Variants in NCAM2 observed in about 807,000 individuals in gnomAD.
NCAM2 encodes neural cell adhesion molecule 2.
In NCAM2, 30 loss-of-function variants were observed where a neutral mutation model predicts 98.1. That is an observed-to-expected ratio of 0.31 (90% CI 0.23 to 0.41). NCAM2 has a LOEUF of 0.41. Among genes scored for constraint, NCAM2 ranks in the 10% least tolerant of loss-of-function variants. The pLI is 1.00. For synonymous variants in NCAM2, 368 were observed against 342.4 expected (o/e 1.07, Z -0.83); for missense variants, 867 against 1,005.8 (o/e 0.86, Z 1.87).
chr21:21,479,608 A>AAAAAAATT (rs1491473437), intron 15 of NCAM2, among the ~76,000 whole-genome samples: 3 of 127,916 alleles, frequency 2.3e-5, no homozygotes, highest in Admixed American at 7.8e-5. Flanking sequence ...AAAAAAAAAA[A>AAAAAAATT]TTGTTGATGA....
At chr21:21,053,526 C>T (rs538644331) in intron 1 of NCAM2, among the ~76,000 whole-genome samples, 84 of 151,638 alleles carry the variant, frequency 5.5e-4, no homozygotes, top group Non-Finnish European at 9.7e-4. Flanking sequence ...ACTTTGTAGA[C>T]TATGTGTTAT....
At chr21:21,009,173 T>C (rs2064162042) in intron 1 of NCAM2, among the ~76,000 whole-genome samples, 2 of 152,152 alleles carry the variant, frequency 1.3e-5, no homozygotes, top group African/African-American at 2.4e-5. Context: ...TATTTAAATA[T>C]TACCCGGCAG....
At chr21:21,209,909 T>C (rs753431660) in intron 1 of NCAM2, among the ~76,000 whole-genome samples, 5 of 152,148 alleles carry the variant, frequency 3.3e-5, no homozygotes, top group Admixed American at 1.3e-4. Flanking sequence ...GGTAAGATAT[T>C]GCGACTAAAA....
intron 10 of NCAM2, among the ~76,000 whole-genome samples, chr21:21,418,121 A>G (rs2077031752): frequency 6.6e-6 from 1 of 152,022 alleles, no homozygotes; most frequent in African/African-American, 2.4e-5. Flanking sequence ...ATACATAAAT[A>G]TATACACATA....
chr21:21,138,706 T>C (rs2067110108), intron 1 of NCAM2, among the ~76,000 whole-genome samples: 1 of 152,196 alleles, frequency 6.6e-6, no homozygotes. Context: ...AAATAATTAG[T>C]GTATTTTGAT....
chr21:21,337,307 A>T (rs1029016018), intron 7 of NCAM2, among the ~76,000 whole-genome samples: 6 of 145,982 alleles, frequency 4.1e-5, no homozygotes, highest in Non-Finnish European at 9.3e-5. Context: ...TGAAAATTTT[A>T]CATGTTATGT....
At chr21:21,176,792 A>C (rs965719965) in intron 1 of NCAM2, among the ~76,000 whole-genome samples, 2 of 151,994 alleles carry the variant, frequency 1.3e-5, no homozygotes, top group African/African-American at 2.4e-5. Context: ...AGTTTTGTTT[A>C]AATCAGCATT....
intron 15 of NCAM2, among the ~76,000 whole-genome samples, chr21:21,501,280 C>T (rs1477390569): frequency 6.6e-6 from 1 of 151,900 alleles, no homozygotes; most frequent in East Asian, 1.9e-4. Flanking sequence ...TAAATTAGTG[C>T]AATGCATTTT....
chr21:21,179,999 G>A (rs1448997233), intron 1 of NCAM2, among the ~76,000 whole-genome samples: 1 of 152,110 alleles, frequency 6.6e-6, no homozygotes, highest in Non-Finnish European at 1.5e-5. Flanking sequence ...GTCCCAAATG[G>A]CCTCCCTGAA....
chr21:21,343,360 C>T (rs2075100036), intron 8 of NCAM2, among the ~76,000 whole-genome samples: 1 of 137,842 alleles, frequency 7.3e-6, no homozygotes, highest in African/African-American at 2.8e-5. Flanking sequence ...TATACACATA[C>T]ACACACACAC....
rs117264570 is a variant in NCAM2, at chr21:21,222,475, T to G, written c.56-58103T>G. Among the ~76,000 whole-genome samples the G allele has an allele frequency of 2.8e-4, 43 of 152,238 alleles. No homozygotes were observed. The East Asian group carries it at 8.3e-3, about 29-fold the overall frequency. ...GCATGGGAAGAAGTCAAAATGTCGT[T>G]AGTAACAGGAGTTAGGAATAAGTTG... On this transcript the variant is annotated intron_variant, in intron 1 of 17. Transcript: ENST00000400546.
At chr21:21,438,452 T>G (rs916499289) in intron 12 of NCAM2, among the ~76,000 whole-genome samples, 3 of 152,188 alleles carry the variant, frequency 2.0e-5, no homozygotes, top group African/African-American at 7.2e-5. Flanking sequence ...TTTGAAGGTT[T>G]AGCTGAAGCC....
chr21:20,998,423 A>C lies in NCAM2; in HGVS notation c.-141A>C. On this transcript the variant is annotated 5_prime_UTR_variant, in exon 1 of 18. Coordinates refer to ENST00000400546, the MANE Select transcript of NCAM2 (RefSeq NM_004540.5). ...AGCTTGCAGTCACTTTGCGAGGAGG[A>C]GCGCGCGGGCTGCGGGCGGCTGGGG... The C allele has an allele frequency of 1.5e-6, 1 of 670,284 alleles. No individual in the cohort carries two copies. Among genetic ancestry groups the C allele is most frequent in the Non-Finnish European group, 2.5e-6 (1 of 407,024 alleles). 41.5% of individuals were successfully genotyped at this position (670,284 alleles called of 1,614,324 possible).
rs2064847795 is a variant in NCAM2, at chr21:21,038,809, T to G, written c.55+40191T>G. On this transcript the variant is annotated intron_variant, in intron 1 of 17. Coordinates refer to ENST00000400546, the MANE Select transcript of NCAM2 (RefSeq NM_004540.5). ...ATTTGACTGTAGACCAAATGCAAAC[T>G]CAGTGTTTGTGATCCCCAGGTTTCA... Among the ~76,000 whole-genome samples the G allele has an allele frequency of 2.6e-5, 4 of 152,116 alleles. No individual in the cohort carries two copies. In the South Asian group the frequency reaches 8.3e-4, roughly 32 times the overall value.
At chr21:21,411,086 A>ATG (rs1208361646) in intron 10 of NCAM2, among the ~76,000 whole-genome samples, 1 of 56,420 alleles carries the variant, frequency 1.8e-5, no homozygotes, top group East Asian at 3.4e-4. Context: ...ACATATATAT[A>ATG]TGTGTGTATA....
chr21:21,321,761 G>A (rs897059651), intron 5 of NCAM2, among the ~76,000 whole-genome samples: 1 of 152,082 alleles, frequency 6.6e-6, no homozygotes, highest in African/African-American at 2.4e-5. Context: ...AAACCACAAT[G>A]AGATACCATC....
At chr21:21,326,509 G>A (rs1405599551) in intron 6 of NCAM2, among the ~76,000 whole-genome samples, 2 of 152,132 alleles carry the variant, frequency 1.3e-5, no homozygotes, top group Non-Finnish European at 2.9e-5. Flanking sequence ...CAGCAGCTGG[G>A]AAGTGTTAGC....
At chr21:21,355,556 GGAAA>G (rs2075454344) in intron 8 of NCAM2, among the ~76,000 whole-genome samples, 1 of 149,356 alleles carries the variant, frequency 6.7e-6, no homozygotes, top group African/African-American at 2.5e-5. Context: ...GAGGGACGGA[GGAAA>G]GAAGGAAGGA....
At chr21:21,056,108 G>C (rs780258097) in intron 1 of NCAM2, among the ~76,000 whole-genome samples, 1 of 151,714 alleles carries the variant, frequency 6.6e-6, no homozygotes, top group African/African-American at 2.4e-5. Flanking sequence ...CTATCTTTAC[G>C]CATAGCAATA....
Sources: allele counts gnomAD v4.1 joint callset (sites outside exome capture counted in the v4.1 genomes callset), GRCh38; gene constraint gnomAD v4.1.1; transcripts MANE v1.5; gene names NCBI Gene and HGNC (gene_info 2026-07-23, HGNC 2026-07-21).